EXOC6B: variants seen among roughly 807,000 people sequenced by gnomAD.
EXOC6B encodes SEC15 homolog B.
In EXOC6B, 54 loss-of-function variants were observed where a neutral mutation model predicts 113.5. The observed-to-expected ratio is 0.48, with a 90% CI of 0.38 to 0.60. The LOEUF (loss-of-function observed/expected upper bound fraction) is 0.60, where lower values mean the gene tolerates loss of function less well. Ranked by LOEUF, EXOC6B falls within the 20% of genes least tolerant of loss-of-function variation. The probability of loss-of-function intolerance (pLI) is 0.00; values close to 1 mark genes in which losing one functional copy is unlikely to be tolerated. For missense variants in EXOC6B, 797 were observed against 977.5 expected (o/e 0.82, Z 2.46); for synonymous variants, 357 against 339.0 (o/e 1.05, Z -0.58).
intron 1 of EXOC6B, among the ~76,000 whole-genome samples, chr2:72,749,420 A>C (rs1180795354): frequency 6.6e-6 from 1 of 151,844 alleles, no homozygotes; most frequent in Non-Finnish European, 1.5e-5. Flanking sequence ...TGTTGATAAA[A>C]CTCTTCCAGA....
intron 6 of EXOC6B, among the ~76,000 whole-genome samples, chr2:72,638,358 A>T (rs550156935): frequency 5.7e-4 from 87 of 152,268 alleles, no homozygotes; most frequent in Non-Finnish European, 1.1e-3. Context: ...TGGAAGCTGT[A>T]ATAAAAAGTG....
At chr2:72,221,174 C>T (rs1680845705) in intron 20 of EXOC6B, among the ~76,000 whole-genome samples, 1 of 152,146 alleles carries the variant, frequency 6.6e-6, no homozygotes, top group South Asian at 2.1e-4. Context: ...CTTACTTTTC[C>T]AATCTGTAAA....
chr2:72,274,455 C>A (rs1292806631), intron 20 of EXOC6B, among the ~76,000 whole-genome samples: 1 of 152,074 alleles, frequency 6.6e-6, no homozygotes, highest in African/African-American at 2.4e-5. Flanking sequence ...AGTGAAATGA[C>A]ATTTACTTGA....
At chr2:72,215,165 T>G (rs1207735594) in intron 20 of EXOC6B, among the ~76,000 whole-genome samples, 1 of 152,172 alleles carries the variant, frequency 6.6e-6, no homozygotes, top group Non-Finnish European at 1.5e-5. Context: ...TAAGGGACAC[T>G]TCTCTTGGCA....
At chr2:72,524,211 G>A (rs938278898) in intron 8 of EXOC6B, among the ~76,000 whole-genome samples, 1 of 150,748 alleles carries the variant, frequency 6.6e-6, no homozygotes, top group Non-Finnish European at 1.5e-5. Context: ...GTGAAAAGGG[G>A]AGTACTTTTC....
chr2:72,519,935 T>C (rs974487461), intron 8 of EXOC6B, among the ~76,000 whole-genome samples: 1 of 152,170 alleles, frequency 6.6e-6, no homozygotes, highest in African/African-American at 2.4e-5. Context: ...CCAAAGGACA[T>C]GGGCCATGAG....
intron 1 of EXOC6B, among the ~76,000 whole-genome samples, chr2:72,814,729 C>T (rs936198089): frequency 6.6e-6 from 1 of 152,214 alleles, no homozygotes; most frequent in Non-Finnish European, 1.5e-5. Context: ...TGGTGGCTCA[C>T]GCCTGTAATC....
intron 20 of EXOC6B, among the ~76,000 whole-genome samples, chr2:72,286,425 T>C (rs967783673): frequency 2.0e-5 from 3 of 152,100 alleles, no homozygotes; most frequent in Non-Finnish European, 4.4e-5. Flanking sequence ...TGATTCCAAC[T>C]ACATGACATT....
chr2:72,820,575 C>T (rs1053165898), intron 1 of EXOC6B, among the ~76,000 whole-genome samples: 3 of 152,044 alleles, frequency 2.0e-5, no homozygotes, highest in Admixed American at 6.5e-5. Context: ...GAGCAAACTT[C>T]CCTGGGTGAG....
At chr2:72,532,793 G>A (rs1702080566) in intron 8 of EXOC6B, among the ~76,000 whole-genome samples, 1 of 151,922 alleles carries the variant, frequency 6.6e-6, no homozygotes, top group African/African-American at 2.4e-5. Context: ...GGGTGACAGA[G>A]CGAGACTCCA....
At chr2:72,470,161 G>C (rs529087259) in intron 17 of EXOC6B, among the ~76,000 whole-genome samples, 1 of 152,214 alleles carries the variant, frequency 6.6e-6, no homozygotes, top group South Asian at 2.1e-4. Flanking sequence ...TCTATAGATT[G>C]CTTGGGGAAG....
chr2:72,307,224 C>T (rs1029743508), intron 20 of EXOC6B, among the ~76,000 whole-genome samples: 2 of 145,956 alleles, frequency 1.4e-5, no homozygotes, highest in Admixed American at 6.8e-5. Context: ...GGCGCAATCT[C>T]GGCCTCCCAG....
rs530715716 is a variant in EXOC6B at position 72,675,373 on chromosome 2, G to A, written c.669+42730C>T. ...ACCTACCTAAAAGCTGAGATTCTCT[G>A]TAAATGACTGTGCAAACTGGATTAA... On this transcript the variant is annotated intron_variant, in intron 6 of 21. Coordinates refer to ENST00000272427, the MANE Select transcript of EXOC6B (RefSeq NM_015189.3). Among the ~76,000 whole-genome samples the A allele has an allele frequency of 8.5e-5, 13 of 152,324 alleles. No homozygotes were observed. In the South Asian group the frequency reaches 2.1e-3, roughly 24 times the overall value.
At chr2:72,472,810 T>C (rs1698491364) in intron 17 of EXOC6B, among the ~76,000 whole-genome samples, 1 of 152,172 alleles carries the variant, frequency 6.6e-6, no homozygotes. Context: ...TTGATGTAGG[T>C]GCTTATTGCT....
chr2:72,357,552 G>A (rs573128862), intron 19 of EXOC6B, among the ~76,000 whole-genome samples: 7 of 152,062 alleles, frequency 4.6e-5, no homozygotes, highest in East Asian at 1.9e-4. Context: ...TTAGCCAGGC[G>A]TTGGTGTTGC....
At chr2:72,504,055 A>G (rs1281814913) in intron 11 of EXOC6B, among the ~76,000 whole-genome samples, 2 of 152,062 alleles carry the variant, frequency 1.3e-5, no homozygotes, top group Non-Finnish European at 2.9e-5. Flanking sequence ...CCACAGGCAC[A>G]TGCAACCATG....
intron 18 of EXOC6B, among the ~76,000 whole-genome samples, chr2:72,430,734 A>T (rs1695473021): frequency 6.6e-6 from 1 of 152,250 alleles, no homozygotes; most frequent in African/African-American, 2.4e-5. Flanking sequence ...ATATCATTTC[A>T]CTAGCAACCA....
At chr2:72,346,349 A>T (rs1347765818) in intron 19 of EXOC6B, among the ~76,000 whole-genome samples, 2 of 152,180 alleles carry the variant, frequency 1.3e-5, no homozygotes, top group African/African-American at 2.4e-5. Flanking sequence ...ATGTGCATTG[A>T]GAAGAAATGA....
At chr2:72,512,907 T>C (rs952266936) in intron 11 of EXOC6B, among the ~76,000 whole-genome samples, 1 of 152,036 alleles carries the variant, frequency 6.6e-6, no homozygotes, top group Admixed American at 6.6e-5. Flanking sequence ...GAATAATCAA[T>C]AGATATTAGC....
Sources: allele counts gnomAD v4.1 joint callset (sites outside exome capture counted in the v4.1 genomes callset), GRCh38; gene constraint gnomAD v4.1.1; transcripts MANE v1.5; gene names NCBI Gene and HGNC (gene_info 2026-07-23, HGNC 2026-07-21).